Variants in PARD3B observed in about 807,000 individuals in gnomAD.
PARD3B encodes the protein partitioning defective 3 homolog B.
PARD3B carries 103 observed loss-of-function variants against 130.2 expected under a neutral mutation model. The observed-to-expected ratio is 0.79, with a 90% CI of 0.67 to 0.93. PARD3B has a LOEUF of 0.93. Among genes scored for constraint, PARD3B ranks in the 40% least tolerant of loss-of-function variants. The pLI is 0.00. For synonymous variants in PARD3B, 583 were observed against 553.2 expected, an observed-to-expected ratio of 1.05 and a Z score of -0.76; for missense variants, 1,609 against 1,499.2, an observed-to-expected ratio of 1.07 and a Z score of -1.21.
chr2:204,668,279 G>A (rs1303219099), intron 1 of PARD3B, among the ~76,000 whole-genome samples: 4 of 152,166 alleles, frequency 2.6e-5, no homozygotes, highest in East Asian at 1.9e-4. Flanking sequence ...ATTGATTAGC[G>A]CTTCTGTGCT....
chr2:204,600,123 G>T (rs961393045), intron 1 of PARD3B, among the ~76,000 whole-genome samples: 128 of 151,654 alleles, frequency 8.4e-4, no homozygotes, highest in African/African-American at 2.9e-3. Flanking sequence ...CATTCTGTAG[G>T]TTGCCTTTTT....
rs1353487489 is a variant in PARD3B, at chr2:204,606,550, C to T, written c.120+60431C>T. Among the ~76,000 whole-genome samples, 4 of 152,132 alleles carry T rather than the reference C, an allele frequency of 2.6e-5. No homozygotes were observed. Among genetic ancestry groups the T allele is most frequent in the Non-Finnish European group, 5.9e-5 (4 of 68,004 alleles). Reference sequence around the variant, plus strand: ...ACCCATGTTACTTCTGCTCACATTTCGTTGGCCACTTACATGGTCACACTG... The same window carrying T: ...ACCCATGTTACTTCTGCTCACATTTTGTTGGCCACTTACATGGTCACACTG... On this transcript the variant is annotated intron_variant, in intron 1 of 22. Transcript: ENST00000406610. The surrounding 1 kb of genome is among the most constrained non-coding windows in gnomAD (Gnocchi z 4.0).
intron 18 of PARD3B, among the ~76,000 whole-genome samples, chr2:205,384,599 G>C (rs1041461410): frequency 2.0e-5 from 3 of 152,026 alleles, no homozygotes; most frequent in African/African-American, 7.2e-5. Context: ...TTCCTTCCTA[G>C]CTGTGTCTAT....
chr2:204,865,852 A>C (rs377270764), intron 2 of PARD3B, among the ~76,000 whole-genome samples: 15 of 152,340 alleles, frequency 9.8e-5, no homozygotes, highest in African/African-American at 2.6e-4. Flanking sequence ...GGAAAGAGTA[A>C]AAATGATGCA....
intron 2 of PARD3B, among the ~76,000 whole-genome samples, chr2:204,695,072 A>G (rs2037545826): frequency 6.6e-6 from 1 of 152,062 alleles, no homozygotes; most frequent in Non-Finnish European, 1.5e-5. Flanking sequence ...GATCACAATA[A>G]TGCTTTACTT....
At chr2:204,997,206 A>G (rs144990537) in intron 3 of PARD3B, among the ~76,000 whole-genome samples, 33 of 152,326 alleles carry the variant, frequency 2.2e-4, no homozygotes, top group African/African-American at 7.5e-4. Flanking sequence ...TTCACAGCCA[A>G]GAATGGTCAG....
chr2:204,861,347 A>G (rs2045196168), intron 2 of PARD3B, among the ~76,000 whole-genome samples: 1 of 152,194 alleles, frequency 6.6e-6, no homozygotes, highest in Non-Finnish European at 1.5e-5. Context: ...AATTTAACAT[A>G]TCAAGAATGG....
At position 204,781,397 on chromosome 2, in the gene PARD3B, G is replaced by T. The variant is rs115370442; in HGVS notation, c.222+95115G>T. On this transcript the variant is annotated intron_variant, in intron 2 of 22. Coordinates refer to ENST00000406610, the MANE Select transcript of PARD3B (RefSeq NM_001302769.2). ...AATATATTTTAATAAAACTATACATGTAAACATCTGTACTTGATTTTAATC... is the reference window on the plus strand; with the variant it reads ...AATATATTTTAATAAAACTATACATTTAAACATCTGTACTTGATTTTAATC... Among the ~76,000 whole-genome samples, 1,121 of 152,094 alleles carry T rather than the reference G, an allele frequency of 7.4e-3. 12 individuals are homozygous for T. The highest frequency in any genetic ancestry group is 0.026 in the African/African-American group (1,059 of 41,490).
intron 1 of PARD3B, among the ~76,000 whole-genome samples, chr2:204,566,305 T>C (rs2031667212): frequency 6.6e-6 from 1 of 152,234 alleles, no homozygotes; most frequent in African/African-American, 2.4e-5. Context: ...AGTCGTCATG[T>C]TTGTAGACAA....
At chr2:205,272,323 C>T (rs2040761732) in intron 16 of PARD3B, among the ~76,000 whole-genome samples, 2 of 152,082 alleles carry the variant, frequency 1.3e-5, no homozygotes, top group South Asian at 4.1e-4. Flanking sequence ...TTCAGATCAC[C>T]TGTCCCCTCG....
In PARD3B at chr2:205,105,796, G is replaced by A. The variant is rs948953524; in HGVS notation, c.593+1282G>A. ...CTCTGAAGAAAAAAAAAAGGCGGGG[G>A]GATATGGGGTAGGGAGTAATAGAAA... On this transcript the variant is annotated intron_variant, in intron 5 of 22. Coordinates refer to ENST00000406610, the MANE Select transcript of PARD3B (RefSeq NM_001302769.2). The surrounding 1 kb of genome is among the most constrained non-coding windows in gnomAD (Gnocchi z 4.0). 6.6e-6 allele frequency among the ~76,000 whole-genome samples: 1 copy of A among 151,464 alleles called. No individual in the cohort carries two copies. The highest frequency in any genetic ancestry group is 1.9e-4 in the East Asian group (1 of 5,152).
At chr2:204,710,934 A>T (rs2038403912) in intron 2 of PARD3B, among the ~76,000 whole-genome samples, 1 of 152,184 alleles carries the variant, frequency 6.6e-6, no homozygotes, top group Non-Finnish European at 1.5e-5. Flanking sequence ...TTGAAACCAG[A>T]CCTAATAGTG....
chr2:204,631,402 ACCATGC>A (rs781703462), intron 1 of PARD3B, among the ~76,000 whole-genome samples: 18 of 152,074 alleles, frequency 1.2e-4, no homozygotes, highest in Non-Finnish European at 2.5e-4. Context: ...GGCATGCACC[ACCATGC>A]CCAGCTAATT....
chr2:204,825,976 A>T (rs1172037161), intron 2 of PARD3B, among the ~76,000 whole-genome samples: 1 of 152,078 alleles, frequency 6.6e-6, no homozygotes, highest in Non-Finnish European at 1.5e-5. Flanking sequence ...TAAAGGCTCA[A>T]CCTCCTTCGT....
chr2:205,065,919 A>G (rs1325400333), intron 4 of PARD3B, among the ~76,000 whole-genome samples: 1 of 152,134 alleles, frequency 6.6e-6, no homozygotes, highest in African/African-American at 2.4e-5. Context: ...GGAACACAAA[A>G]TGGACTAAGA....
At chr2:205,054,401 CTT>C (rs1491247939) in intron 4 of PARD3B, among the ~76,000 whole-genome samples, 457 of 33,974 alleles carry the variant, frequency 0.013, 21 homozygotes, top group Middle Eastern at 0.031. Context: ...CATGACATGT[CTT>C]TTATATATAT....
chr2:205,107,412 A>C (rs1703304464), intron 5 of PARD3B, among the ~76,000 whole-genome samples: 1 of 152,236 alleles, frequency 6.6e-6, no homozygotes, highest in Admixed American at 6.5e-5. Flanking sequence ...AATTGGTATC[A>C]TGGTCACATA....
intron 18 of PARD3B, among the ~76,000 whole-genome samples, chr2:205,357,704 C>A (rs1370281756): frequency 6.6e-6 from 1 of 152,116 alleles, no homozygotes; most frequent in African/African-American, 2.4e-5. Context: ...ATGCAGACTT[C>A]TCTGAAGTCA....
intron 2 of PARD3B, among the ~76,000 whole-genome samples, chr2:204,928,480 T>G (rs1687796955): frequency 6.6e-6 from 1 of 152,130 alleles, no homozygotes; most frequent in Non-Finnish European, 1.5e-5. Context: ...AACATCAATT[T>G]AACACAAAAG....
Sources: gnomAD v4.1 joint callset for allele counts (sites outside exome capture counted in the v4.1 genomes callset) on GRCh38, gnomAD v4.1.1 for gene constraint, Gnocchi (gnomAD v3.1) non-coding constraint, MANE v1.5 for transcripts, NCBI Gene and HGNC (gene_info 2026-07-23, HGNC 2026-07-21) for gene names.